SFXN5: variants seen among roughly 807,000 people sequenced by gnomAD.
SFXN5 encodes the protein sideroflexin 5.
Under a neutral mutation model 50.2 loss-of-function variants are expected in SFXN5, and 43 were observed. The ratio of observed to expected loss-of-function variants is 0.86; its 90% CI spans 0.67 to 1.11. The LOEUF (loss-of-function observed/expected upper bound fraction) is 1.11. Ranked by LOEUF, SFXN5 falls within the 50% of genes least tolerant of loss-of-function variation. The pLI is 0.00. For missense variants in SFXN5, 463 were observed against 454.1 expected (o/e 1.02, Z -0.18); for synonymous variants, 203 against 185.8 (o/e 1.09, Z -0.75).
At position 73,040,922 on chromosome 2, in the gene SFXN5, T is replaced by TGCAGAAGAAAGAAACGTCTTCTGCA. The variant is rs760636442; in HGVS notation, c.180_181insTGCAGAAGACGTTTCTTTCTTCTGC (p.Arg61CysfsTer19). On this transcript the variant is annotated frameshift_variant, in exon 3 of 14. Transcript: ENST00000272433. LOFTEE classifies it high-confidence loss of function. ...TCCTCCAGCAGCTGCACAGCCTCTC[T>TGCAGAAGAAAGAAACGTCTTCTGCA]GAGACGTCTCTGCAGAAGAAAGAAA... 6.2e-7 allele frequency: 1 copy of TGCAGAAGAAAGAAACGTCTTCTGCA among 1,612,730 alleles called. No individual in the cohort carries two copies. The highest frequency in any genetic ancestry group is 1.1e-5 in the South Asian group (1 of 90,828).
chr2:72,951,116 T>C (rs59762274), intron 13 of SFXN5, among the ~76,000 whole-genome samples: 17,084 of 152,096 alleles, frequency 0.11, 2,724 homozygotes, highest in African/African-American at 0.36. Context: ...CACTGCCTGA[T>C]GGTCGCCCCC....
intron 6 of SFXN5, among the ~76,000 whole-genome samples, chr2:73,019,267 G>A (rs981993558): frequency 2.0e-5 from 3 of 152,090 alleles, no homozygotes; most frequent in Admixed American, 1.3e-4. Context: ...TTTTCTGTCG[G>A]GGTGGTGATT....
At chr2:73,055,614 T>G (rs1681998607) in intron 2 of SFXN5, among the ~76,000 whole-genome samples, 1 of 150,500 alleles carries the variant, frequency 6.6e-6, no homozygotes. Flanking sequence ...TTTTTTTTTT[T>G]TGAGACAGAG....
intron 2 of SFXN5, among the ~76,000 whole-genome samples, chr2:73,054,525 G>A (rs1681836482): frequency 6.6e-6 from 1 of 152,142 alleles, no homozygotes; most frequent in Non-Finnish European, 1.5e-5. Context: ...CCGAGAATGG[G>A]AGGAGGAGGG....
chr2:72,965,009 T>G (rs1192319887), intron 12 of SFXN5, among the ~76,000 whole-genome samples: 1 of 152,212 alleles, frequency 6.6e-6, no homozygotes, highest in Non-Finnish European at 1.5e-5. Context: ...GACAGGCATT[T>G]TTGTTTTCCT....
At position 73,067,416 on chromosome 2, in the gene SFXN5, C is replaced by G. The variant is rs1474844432; in HGVS notation, c.102+4188G>C. 3.9e-5 allele frequency among the ~76,000 whole-genome samples: 6 copies of G among 152,128 alleles called. No individual in the cohort carries two copies. The South Asian group carries it at 1.0e-3, about 26-fold the overall frequency. ...AAAAAGTAGTAAAATTCAATGAAGTCTGGAGTGTAGTTAACGATAATGTAC... is the reference window on the plus strand; with the variant it reads ...AAAAAGTAGTAAAATTCAATGAAGTGTGGAGTGTAGTTAACGATAATGTAC... On this transcript the variant is annotated intron_variant, in intron 1 of 13. Transcript: ENST00000272433.
In SFXN5 at chr2:72,961,803, C is replaced by A. The variant is rs1346540423; in HGVS notation, c.828-555G>T. Among the ~76,000 whole-genome samples, 3 of 152,178 alleles carry A rather than the reference C, an allele frequency of 2.0e-5. No homozygotes were observed. Among genetic ancestry groups the A allele is most frequent in the Non-Finnish European group, 4.4e-5 (3 of 68,030 alleles). On this transcript the variant is annotated intron_variant, in intron 12 of 13. Transcript: ENST00000272433. The surrounding 1 kb of genome is among the most constrained non-coding windows in gnomAD (Gnocchi z 4.4). ...CCACTGGCCACCTTGTCAATTTCAA[C>A]CCAAGGGCAACAGAGGGTGCAATGA...
intron 10 of SFXN5, among the ~76,000 whole-genome samples, chr2:72,980,442 G>A (rs1671151098): frequency 6.6e-6 from 1 of 152,156 alleles, no homozygotes; most frequent in African/African-American, 2.4e-5. Context: ...AAGGATGCAT[G>A]CCCTCATATT....
intron 3 of SFXN5, among the ~76,000 whole-genome samples, chr2:73,028,250 T>C (rs1469331918): frequency 6.6e-6 from 1 of 152,224 alleles, no homozygotes; most frequent in Admixed American, 6.5e-5. Flanking sequence ...ATCTTTATCT[T>C]TGAATTTGAG....
rs1211640618 is a variant in SFXN5 at position 72,968,478 on chromosome 2, A to G, written c.797T>C (p.Leu266Pro). The G allele has an allele frequency of 6.2e-7, 1 of 1,612,966 alleles. No homozygotes were observed. The highest frequency in any genetic ancestry group is 8.5e-7 in the Non-Finnish European group (1 of 1,179,956). ...CAGCATGGACATGACGATCGGGGGT[A>G]GCACCAGGATGGGCATGGGCAGGAC... The part of the protein sequence containing the change: ...RVVLPMPILV[L>P]PPIVMSMLEK... The change falls in exon 12 of 14, where the codon CTA (leucine) becomes CCA (proline). Residue 266 changes from leucine to proline, a missense_variant. Transcript: ENST00000272433.
rs568366681 is a variant in SFXN5, at chr2:72,980,595, T to C, written c.625+7663A>G. Among the ~76,000 whole-genome samples, 20 of 152,304 alleles carry C rather than the reference T, an allele frequency of 1.3e-4. No homozygotes were observed. The South Asian group carries it at 3.5e-3, about 27-fold the overall frequency. On this transcript the variant is annotated intron_variant, in intron 10 of 13. Coordinates refer to ENST00000272433, the MANE Select transcript of SFXN5 (RefSeq NM_144579.3). ...GTGTCACCGACTCAGGATCGGGAAT[T>C]TCTGGATTGAAAAATCAGCCTGTAA...
chr2:72,978,838 T>C (rs1046893323), intron 10 of SFXN5, among the ~76,000 whole-genome samples: 1 of 151,608 alleles, frequency 6.6e-6, no homozygotes, highest in Non-Finnish European at 1.5e-5. Context: ...ATTCCCCAGG[T>C]GATTATAATA....
Position 73,040,199 on chromosome 2 carries a change from G to A in SFXN5, c.249+655C>T, listed in dbSNP as rs113037283. 5.2e-3 allele frequency among the ~76,000 whole-genome samples: 785 copies of A among 152,250 alleles called. 9 individuals are homozygous for A. Among genetic ancestry groups the A allele is most frequent in the African/African-American group, 0.017 (698 of 41,558 alleles). ...TAAATTAATGTTTGAAAAAGTTTTT[G>A]AAATAAAGTTTATGAACAAAAAGAC... is the stretch of plus-strand genomic sequence containing the variant. On this transcript the variant is annotated intron_variant, in intron 3 of 13. Coordinates refer to ENST00000272433, the MANE Select transcript of SFXN5 (RefSeq NM_144579.3).
At chr2:73,070,196 G>C (rs1683471906) in intron 1 of SFXN5, among the ~76,000 whole-genome samples, 2 of 152,186 alleles carry the variant, frequency 1.3e-5, no homozygotes, top group Non-Finnish European at 2.9e-5. Flanking sequence ...CTCAAGTCCA[G>C]GCAGGGACAC....
intron 5 of SFXN5, 92 bp from the exon 6 acceptor site, chr2:73,020,356 A>T: frequency 7.6e-7 from 1 of 1,320,716 alleles, no homozygotes; most frequent in Admixed American, 2.0e-5. Flanking sequence ...TTAGGCTATC[A>T]GTGGCCCTGA....
At chr2:72,955,978 A>G (rs553434860) in intron 13 of SFXN5, among the ~76,000 whole-genome samples, 11 of 152,266 alleles carry the variant, frequency 7.2e-5, no homozygotes, top group Non-Finnish European at 1.5e-4. Context: ...GTCACCTGAC[A>G]GTTCTTGTTT....
Position 72,959,392 on chromosome 2 carries a change from C to T in SFXN5, c.945+1739G>A, listed in dbSNP as rs191703743. Among the ~76,000 whole-genome samples the T allele has an allele frequency of 6.2e-3, 947 of 152,214 alleles. 3 individuals are homozygous for T. Among genetic ancestry groups the T allele is most frequent in the Non-Finnish European group, 9.9e-3 (674 of 68,000 alleles). Reference sequence around the variant, plus strand: ...TGGCCCTCCCTGTACTGGCCCATAGCACCTCCTGGTGAACAGGCCCGGCTG... The same window carrying T: ...TGGCCCTCCCTGTACTGGCCCATAGTACCTCCTGGTGAACAGGCCCGGCTG... On this transcript the variant is annotated intron_variant, in intron 13 of 13. Coordinates refer to ENST00000272433, the MANE Select transcript of SFXN5 (RefSeq NM_144579.3).
intron 2 of SFXN5, among the ~76,000 whole-genome samples, chr2:73,047,173 G>A (rs186720434): frequency 0.012 from 1,512 of 129,200 alleles, 30 homozygotes; most frequent in African/African-American, 0.041. Flanking sequence ...AGCCAAGATC[G>A]CACCACTGCA....
At chr2:73,053,287 G>A (rs11893039) in intron 2 of SFXN5, 2,166 of 154,330 alleles carry the variant, frequency 0.014, 62 homozygotes, top group African/African-American at 0.049. Context: ...GAATAACAGC[G>A]CAAATTCACA....
Sources: gnomAD v4.1 joint callset for allele counts (sites outside exome capture counted in the v4.1 genomes callset) on GRCh38, gnomAD v4.1.1 for gene constraint, Gnocchi (gnomAD v3.1) non-coding constraint, MANE v1.5 for transcripts, NCBI Gene and HGNC (gene_info 2026-07-23, HGNC 2026-07-21) for gene names.